COL25A1: variants seen among roughly 807,000 people sequenced by gnomAD.
The protein encoded by COL25A1 is collagen alpha-1(XXV) chain.
COL25A1 carries 103 observed loss-of-function variants against 128.4 expected under a neutral mutation model. The ratio of observed to expected loss-of-function variants is 0.80; its 90% CI spans 0.68 to 0.94. The LOEUF is 0.94. Ranked by LOEUF, COL25A1 falls within the 40% of genes least tolerant of loss-of-function variation. COL25A1 has a pLI of 0.00. For missense variants in COL25A1, 745 were observed against 840.0 expected (o/e 0.89, Z 1.40); for synonymous variants, 279 against 277.2 (o/e 1.01, Z -0.06).
At chr4:109,140,309 T>C (rs1770270895) in intron 3 of COL25A1, among the ~76,000 whole-genome samples, 2 of 152,216 alleles carry the variant, frequency 1.3e-5, no homozygotes, top group South Asian at 4.1e-4. Flanking sequence ...TTGGTACCAG[T>C]ACCATGCTAT....
At chr4:109,270,614 G>A (rs1353720761) in intron 3 of COL25A1, among the ~76,000 whole-genome samples, 1 of 152,100 alleles carries the variant, frequency 6.6e-6, no homozygotes, top group Non-Finnish European at 1.5e-5. Context: ...CAAGGATTTT[G>A]GCACACTTGG....
At chr4:109,219,889 A>C (rs1387882899) in intron 3 of COL25A1, among the ~76,000 whole-genome samples, 1 of 152,224 alleles carries the variant, frequency 6.6e-6, no homozygotes, top group Non-Finnish European at 1.5e-5. Flanking sequence ...TAAAATAAAA[A>C]TAGTTGTACA....
At chr4:108,947,060 T>C (rs1486573649) in intron 8 of COL25A1, among the ~76,000 whole-genome samples, 2 of 152,126 alleles carry the variant, frequency 1.3e-5, no homozygotes, top group Non-Finnish European at 2.9e-5. Context: ...AGGCAGGTAG[T>C]TATGAATCAT....
chr4:109,239,953 G>A (rs1269431463), intron 3 of COL25A1, among the ~76,000 whole-genome samples: 1 of 151,814 alleles, frequency 6.6e-6, no homozygotes, highest in Non-Finnish European at 1.5e-5. Context: ...GCCTACTCAG[G>A]GTCAGGATGA....
rs529672588 is a variant in COL25A1 at position 108,962,427 on chromosome 4, C to T, written c.492+11940G>A. ...ATCTCCTGACCTCATGATCCACCCGCCTCGGCCTCCCAAAATGCTGGGATT... is the reference window on the plus strand; with the variant it reads ...ATCTCCTGACCTCATGATCCACCCGTCTCGGCCTCCCAAAATGCTGGGATT... On this transcript the variant is annotated intron_variant, in intron 8 of 37. Coordinates refer to ENST00000399132, the MANE Select transcript of COL25A1 (RefSeq NM_198721.4). 2.0e-5 allele frequency among the ~76,000 whole-genome samples: 3 copies of T among 152,216 alleles called. No homozygotes were observed. The South Asian group carries it at 6.2e-4, about 32-fold the overall frequency.
intron 3 of COL25A1, among the ~76,000 whole-genome samples, chr4:109,288,973 AC>A (rs1724179006): frequency 1.4e-5 from 2 of 145,576 alleles, no homozygotes; most frequent in Non-Finnish European, 3.0e-5. Context: ...ACACACACAC[AC>A]ACACACACAC....
At chr4:109,129,319 G>A (rs1186566055) in intron 3 of COL25A1, among the ~76,000 whole-genome samples, 1 of 151,844 alleles carries the variant, frequency 6.6e-6, no homozygotes, top group Non-Finnish European at 1.5e-5. Flanking sequence ...AGTAGAGACG[G>A]GGTTTCTCCA....
chr4:109,256,088 GTGT>G (rs1781067256), intron 3 of COL25A1, among the ~76,000 whole-genome samples: 1 of 110,192 alleles, frequency 9.1e-6, no homozygotes, highest in African/African-American at 4.5e-5. Context: ...AAGCATTGGT[GTGT>G]GTGTGTGTGT....
chr4:109,245,090 T>G (rs888866213), intron 3 of COL25A1, among the ~76,000 whole-genome samples: 1 of 152,006 alleles, frequency 6.6e-6, no homozygotes, highest in Admixed American at 6.6e-5. Context: ...TTAGGAAGGG[T>G]TTAAGTGACC....
chr4:108,995,927 T>C (rs1754724474), intron 6 of COL25A1, among the ~76,000 whole-genome samples: 1 of 152,126 alleles, frequency 6.6e-6, no homozygotes, highest in South Asian at 2.1e-4. Flanking sequence ...CTGAGAGATT[T>C]TGTCACCACC....
intron 3 of COL25A1, among the ~76,000 whole-genome samples, chr4:109,274,264 A>C (rs1782396524): frequency 6.6e-6 from 1 of 152,198 alleles, no homozygotes; most frequent in African/African-American, 2.4e-5. Flanking sequence ...CTAATTAAAC[A>C]TACCCTAATT....
At chr4:109,043,559 T>C (rs1760134993) in intron 5 of COL25A1, among the ~76,000 whole-genome samples, 1 of 148,296 alleles carries the variant, frequency 6.7e-6, no homozygotes, top group Non-Finnish European at 1.5e-5. Flanking sequence ...TAGGGCTTGA[T>C]AGACTGATAC....
intron 3 of COL25A1, among the ~76,000 whole-genome samples, chr4:109,226,947 G>T (rs1474697662): frequency 6.6e-6 from 1 of 152,136 alleles, no homozygotes; most frequent in Admixed American, 6.5e-5. Flanking sequence ...TGGTCAAAAC[G>T]TGAAATGCAA....
At chr4:108,902,930 G>C (rs137873715) in intron 13 of COL25A1, among the ~76,000 whole-genome samples, 8 of 152,054 alleles carry the variant, frequency 5.3e-5, no homozygotes, top group Non-Finnish European at 8.8e-5. Flanking sequence ...GAGTCTGCTT[G>C]CTTCAAAGAA....
intron 6 of COL25A1, among the ~76,000 whole-genome samples, chr4:108,990,402 A>G (rs1291654435): frequency 2.0e-5 from 3 of 151,644 alleles, no homozygotes; most frequent in Non-Finnish European, 4.4e-5. Context: ...TTCACTGAAG[A>G]ACATTTTGAA....
At chr4:109,275,565 T>C (rs1037231960) in intron 3 of COL25A1, among the ~76,000 whole-genome samples, 1 of 152,140 alleles carries the variant, frequency 6.6e-6, no homozygotes, top group Admixed American at 6.5e-5. Flanking sequence ...CAAAGGCGCC[T>C]GAGGGAAAAG....
chr4:109,296,878 A>G (rs1006846232), intron 3 of COL25A1, among the ~76,000 whole-genome samples: 4 of 152,128 alleles, frequency 2.6e-5, no homozygotes, highest in African/African-American at 9.7e-5. Context: ...ATCAGTTGAA[A>G]CATAAAAACC....
At position 109,302,208 on chromosome 4, in the gene COL25A1, A is replaced by G; in HGVS notation, c.-96T>C. On this transcript the variant is annotated 5_prime_UTR_variant, in exon 1 of 38. An upstream start codon of the reference 5' UTR is lost. Transcript: ENST00000399132. Reference sequence around the variant, plus strand: ...GCGTCCAGACCCGCAGGCGTGCACCATCCCCGCTTTCTTCTCTCCTCCCAG... The same window carrying G: ...GCGTCCAGACCCGCAGGCGTGCACCGTCCCCGCTTTCTTCTCTCCTCCCAG... 2 of 664,378 alleles carry G rather than the reference A, an allele frequency of 3.0e-6. No individual in the cohort carries two copies. Among genetic ancestry groups the G allele is most frequent in the Non-Finnish European group, 4.8e-6 (2 of 419,532 alleles). 41.2% of individuals were successfully genotyped at this position (664,378 alleles called of 1,614,324 possible).
chr4:108,833,251 G>A (rs763524081), intron 31 of COL25A1, among the ~76,000 whole-genome samples: 1 of 152,196 alleles, frequency 6.6e-6, no homozygotes, highest in Non-Finnish European at 1.5e-5. Context: ...GGCAGCAGGG[G>A]CTTACAGGAA....
Sources: gnomAD v4.1 joint callset for allele counts (sites outside exome capture counted in the v4.1 genomes callset) on GRCh38, gnomAD v4.1.1 for gene constraint, MANE v1.5 for transcripts, NCBI Gene and HGNC (gene_info 2026-07-23, HGNC 2026-07-21) for gene names.